The following DLGAP2 variants were observed in gnomAD, a reference collection of about 807,000 sequenced individuals.
DLGAP2 encodes DLG associated protein 2.
Under a neutral mutation model 100.3 loss-of-function variants are expected in DLGAP2, and 26 were observed. The ratio of observed to expected loss-of-function variants is 0.26; its 90% confidence interval spans 0.19 to 0.36. The LOEUF is 0.36. Ranked by LOEUF, DLGAP2 falls within the 10% of genes least tolerant of loss-of-function variation. The pLI, the probability that DLGAP2 is intolerant of heterozygous loss-of-function variation, is 1.00. For synonymous variants in DLGAP2, 886 were observed against 630.1 expected, an observed-to-expected ratio of 1.41 and a Z score of -6.08; for missense variants, 1,858 against 1,453.2, an observed-to-expected ratio of 1.28 and a Z score of -4.53.
chr8:1,666,594 C>A (rs750804467), intron 8 of DLGAP2, among the ~76,000 whole-genome samples: 1 of 151,814 alleles, frequency 6.6e-6, no homozygotes, highest in East Asian at 1.9e-4. Context: ...GCAGGAGAAT[C>A]GCTTGAACAC....
chr8:1,152,382 C>T (rs187988213), intron 2 of DLGAP2, among the ~76,000 whole-genome samples: 5 of 152,180 alleles, frequency 3.3e-5, no homozygotes, highest in African/African-American at 1.2e-4. Flanking sequence ...TTTGATGGAA[C>T]GTGTTGCCTC....
intron 2 of DLGAP2, among the ~76,000 whole-genome samples, chr8:1,223,352 G>A (rs943468884): frequency 1.3e-5 from 2 of 152,200 alleles, no homozygotes; most frequent in African/African-American, 4.8e-5. Flanking sequence ...CTTCCCGTGT[G>A]CATGGAGCCA....
chr8:815,869 G>C (rs1364717983), intron 1 of DLGAP2, among the ~76,000 whole-genome samples: 1 of 152,144 alleles, frequency 6.6e-6, no homozygotes, highest in East Asian at 1.9e-4. Context: ...TGTAGTAATT[G>C]TTTTATAAAT....
At chr8:1,439,677 C>T (rs894162491) in intron 3 of DLGAP2, among the ~76,000 whole-genome samples, 1 of 152,118 alleles carries the variant, frequency 6.6e-6, no homozygotes. Context: ...GAAACGGCAA[C>T]GTGAGCAGTA....
At chr8:1,511,825 G>A (rs374646882) in intron 4 of DLGAP2, among the ~76,000 whole-genome samples, 121 of 121,082 alleles carry the variant, frequency 1.0e-3, no homozygotes, top group African/African-American at 3.1e-3. Flanking sequence ...GGGCTGTCTA[G>A]TGTAAGACAA....
chr8:1,306,674 GT>G (rs35590379), intron 3 of DLGAP2, among the ~76,000 whole-genome samples: 101,531 of 152,064 alleles, frequency 0.67, 35,055 homozygotes, highest in African/African-American at 0.85. Context: ...AAATAGTGTG[GT>G]TAAGTGCTGG....
intron 6 of DLGAP2, among the ~76,000 whole-genome samples, chr8:1,581,167 T>A (rs1324326305): frequency 1.4e-5 from 2 of 144,184 alleles, no homozygotes; most frequent in African/African-American, 5.2e-5. Flanking sequence ...AAGAGAAGGA[T>A]ACAGACAAAA....
chr8:1,170,468 A>G (rs1396998531), intron 2 of DLGAP2, among the ~76,000 whole-genome samples: 1 of 151,914 alleles, frequency 6.6e-6, no homozygotes, highest in Non-Finnish European at 1.5e-5. Context: ...GTACCAGTTC[A>G]TCCTTGAACC....
chr8:930,725 A>G (rs1798937675), intron 2 of DLGAP2, among the ~76,000 whole-genome samples: 1 of 152,142 alleles, frequency 6.6e-6, no homozygotes, highest in African/African-American at 2.4e-5. Flanking sequence ...CACACTGCAG[A>G]GACTTCCTCC....
intron 2 of DLGAP2, among the ~76,000 whole-genome samples, chr8:1,213,713 C>T (rs4735997): frequency 0.14 from 21,147 of 152,100 alleles, 1,566 homozygotes; most frequent in East Asian, 0.24. Context: ...CAAGGGCCCT[C>T]TCCCATCAGG....
intron 2 of DLGAP2, among the ~76,000 whole-genome samples, chr8:1,059,596 A>C (rs1049048183): frequency 1.1e-4 from 17 of 152,240 alleles, no homozygotes; most frequent in African/African-American, 3.9e-4. Context: ...GGGTGTGTTC[A>C]TGGCTTTTGT....
At chr8:813,971 C>T (rs142081000) in intron 1 of DLGAP2, among the ~76,000 whole-genome samples, 208 of 152,204 alleles carry the variant, frequency 1.4e-3, no homozygotes, top group African/African-American at 4.9e-3. Context: ...AGGGAATCAT[C>T]CCCTTAAAGG....
intron 2 of DLGAP2, among the ~76,000 whole-genome samples, chr8:946,285 T>A (rs555890756): frequency 6.6e-6 from 1 of 151,490 alleles, no homozygotes; most frequent in African/African-American, 2.4e-5. Flanking sequence ...TTTTTTTTTT[T>A]GACAGTCTCA....
intron 2 of DLGAP2, among the ~76,000 whole-genome samples, chr8:937,043 A>G (rs1453524728): frequency 1.3e-5 from 2 of 152,206 alleles, no homozygotes; most frequent in African/African-American, 4.8e-5. Flanking sequence ...AGGTCTTGCC[A>G]TGATGGCCTC....
At chr8:1,412,557 C>T (rs190812590) in intron 3 of DLGAP2, among the ~76,000 whole-genome samples, 2 of 152,350 alleles carry the variant, frequency 1.3e-5, no homozygotes, top group Admixed American at 6.5e-5. Context: ...TAAGCCCCAG[C>T]CATTCCAGCT....
intron 2 of DLGAP2, among the ~76,000 whole-genome samples, chr8:1,181,162 G>A (rs112060578): frequency 9.8e-4 from 82 of 83,476 alleles, no homozygotes; most frequent in African/African-American, 3.3e-3. Context: ...TGCAAGGGCA[G>A]TACACTTACT....
chr8:859,641 C>T (rs963409439), intron 1 of DLGAP2, among the ~76,000 whole-genome samples: 1 of 152,170 alleles, frequency 6.6e-6, no homozygotes, highest in African/African-American at 2.4e-5. Flanking sequence ...TCAGCTGTCT[C>T]AGCACCAGGC....
chr8:760,490 CCT>C (rs1207901244), intron 1 of DLGAP2, among the ~76,000 whole-genome samples: 1 of 152,124 alleles, frequency 6.6e-6, no homozygotes, highest in Non-Finnish European at 1.5e-5. Flanking sequence ...AAAACTCTAC[CCT>C]CATATATTTG....
At chr8:767,724 C>T (rs371356764) in intron 1 of DLGAP2, among the ~76,000 whole-genome samples, 7 of 152,098 alleles carry the variant, frequency 4.6e-5, no homozygotes, top group East Asian at 1.9e-4. Flanking sequence ...TATATTTCTA[C>T]GGAGGTAGTG....
Sources: allele counts gnomAD v4.1 joint callset (sites outside exome capture counted in the v4.1 genomes callset), GRCh38; gene constraint gnomAD v4.1.1; transcripts MANE v1.5; gene names NCBI Gene and HGNC (gene_info 2026-07-23, HGNC 2026-07-21).